Variants in EZH2 observed in about 807,000 individuals in gnomAD.
EZH2 encodes the protein histone-lysine N-methyltransferase EZH2.
A neutral mutation model predicts 98.4 loss-of-function variants in EZH2; 18 were observed. The ratio of observed to expected loss-of-function variants is 0.18; its 90% CI spans 0.13 to 0.27. EZH2 has a LOEUF of 0.27. Ranked by LOEUF, EZH2 falls within the 10% of genes least tolerant of loss-of-function variation. The pLI is 1.00. For missense variants in EZH2, 470 were observed against 935.1 expected, an observed-to-expected ratio of 0.50 and a Z score of 6.49; for synonymous variants, 338 against 312.3, an observed-to-expected ratio of 1.08 and a Z score of -0.87.
At chr7:148,812,838 A>G (rs1307882437) in intron 15 of EZH2, among the ~76,000 whole-genome samples, 1 of 152,228 alleles carries the variant, frequency 6.6e-6, no homozygotes, top group Non-Finnish European at 1.5e-5. Context: ...CAGAAAAGAA[A>G]AAAGTCAAAG....
At chr7:148,856,011 T>C (rs1816784829) in intron 1 of EZH2, among the ~76,000 whole-genome samples, 1 of 151,964 alleles carries the variant, frequency 6.6e-6, no homozygotes, top group Non-Finnish European at 1.5e-5. Flanking sequence ...ATATAAAGAC[T>C]TTTTTTAAAT....
At chr7:148,846,623 G>T in intron 2 of EZH2, 25 bp from the exon 3 acceptor site, 1 of 1,600,606 alleles carries the variant, frequency 6.2e-7, no homozygotes, top group Non-Finnish European at 8.5e-7. Context: ...TGAAGGAGAG[G>T]AAAGGAGAAA....
intron 3 of EZH2, among the ~76,000 whole-genome samples, chr7:148,833,123 T>C (rs1310405354): frequency 1.3e-5 from 2 of 152,316 alleles, no homozygotes; most frequent in Middle Eastern, 3.4e-3. Context: ...AGAATAGTAA[T>C]ATGTATACCA....
intron 1 of EZH2, among the ~76,000 whole-genome samples, chr7:148,848,550 A>G (rs946297732): frequency 1.3e-5 from 2 of 152,232 alleles, no homozygotes; most frequent in African/African-American, 2.4e-5. Context: ...CCTGAGGCCA[A>G]TGGGTAACTT....
chr7:148,839,312 T>G (rs1185614760), intron 3 of EZH2, among the ~76,000 whole-genome samples: 1 of 151,922 alleles, frequency 6.6e-6, no homozygotes, highest in African/African-American at 2.4e-5. Context: ...AAGAACAAAA[T>G]TAAAAACCAA....
chr7:148,859,505 A>AAAGAAC (rs1554419132), intron 1 of EZH2, among the ~76,000 whole-genome samples: 3 of 150,288 alleles, frequency 2.0e-5, no homozygotes, highest in Non-Finnish European at 3.0e-5. Flanking sequence ...TCTGTCTCAA[A>AAAGAAC]AACAACAACA....
At chr7:148,808,239 A>C (rs576073866) in intron 19 of EZH2, among the ~76,000 whole-genome samples, 1 of 152,146 alleles carries the variant, frequency 6.6e-6, no homozygotes, top group East Asian at 1.9e-4. Context: ...TCCACCCCAC[A>C]CTCTTCATTC....
At chr7:148,811,034 C>G (rs996147538) in intron 16 of EZH2, among the ~76,000 whole-genome samples, 5 of 151,942 alleles carry the variant, frequency 3.3e-5, no homozygotes, top group Admixed American at 3.3e-4. Context: ...TCCTTATCAA[C>G]TAGGTTGTGG....
At chr7:148,866,194 T>C (rs1204788791) in intron 1 of EZH2, among the ~76,000 whole-genome samples, 3 of 152,162 alleles carry the variant, frequency 2.0e-5, no homozygotes, top group Non-Finnish European at 4.4e-5. Flanking sequence ...TTTCAAACCC[T>C]TCAAGTACTA....
At chr7:148,832,507 C>T (rs1459549272) in intron 4 of EZH2, 127 bp downstream of exon 4, 2 of 580,848 alleles carry the variant, frequency 3.4e-6, no homozygotes, top group African/African-American at 3.7e-5. Flanking sequence ...AAAATTACTT[C>T]AAGTGTTATT....
At chr7:148,811,254 C>T (rs544330197) in intron 16 of EZH2, among the ~76,000 whole-genome samples, 5 of 152,270 alleles carry the variant, frequency 3.3e-5, no homozygotes, top group African/African-American at 9.6e-5. Flanking sequence ...CAGGCTCAAG[C>T]GATCTTCCTG....
chr7:148,863,587 C>T (rs78472749), intron 1 of EZH2, among the ~76,000 whole-genome samples: 7,351 of 152,266 alleles, frequency 0.048, 270 homozygotes, highest in Middle Eastern at 0.075. Flanking sequence ...TAAATACTCA[C>T]ACCTCACCCT....
At chr7:148,839,993 C>T (rs562444800) in intron 3 of EZH2, among the ~76,000 whole-genome samples, 4 of 152,276 alleles carry the variant, frequency 2.6e-5, no homozygotes, top group South Asian at 2.1e-4. Context: ...AATTAAGACA[C>T]GGTATAACCA....
chr7:148,883,895 C>G (rs1251814901), intron 1 of EZH2, among the ~76,000 whole-genome samples: 1 of 151,826 alleles, frequency 6.6e-6, no homozygotes. Flanking sequence ...GCCCCCCACA[C>G]GCCCCCCGCC....
intron 3 of EZH2, among the ~76,000 whole-genome samples, chr7:148,835,457 T>C (rs368998558): frequency 6.6e-6 from 1 of 150,560 alleles, no homozygotes; most frequent in African/African-American, 2.4e-5. Context: ...AGAGACATAA[T>C]GTAATAGGAG....
intron 1 of EZH2, among the ~76,000 whole-genome samples, chr7:148,871,112 T>C (rs1237952600): frequency 3.3e-5 from 5 of 152,070 alleles, no homozygotes; most frequent in Non-Finnish European, 4.4e-5. Flanking sequence ...ATACTCAACA[T>C]TGTTAATGCA....
chr7:148,850,193 T>C (rs1024402805), intron 1 of EZH2, among the ~76,000 whole-genome samples: 1 of 152,096 alleles, frequency 6.6e-6, no homozygotes, highest in African/African-American at 2.4e-5. Flanking sequence ...TAATTTTTTG[T>C]ATTTTTAGTA....
intron 1 of EZH2, among the ~76,000 whole-genome samples, chr7:148,866,513 T>C (rs1444219201): frequency 2.0e-5 from 2 of 100,736 alleles, no homozygotes; most frequent in South Asian, 6.4e-4. Context: ...TATATACATA[T>C]ATATGTGTAT....
At chr7:148,866,358 T>TA (rs1818441689) in intron 1 of EZH2, among the ~76,000 whole-genome samples, 1 of 151,800 alleles carries the variant, frequency 6.6e-6, no homozygotes, top group South Asian at 2.1e-4. Context: ...AATGCCCTTA[T>TA]ACAAGAGTCT....
Sources: gnomAD v4.1 joint callset for allele counts (sites outside exome capture counted in the v4.1 genomes callset) on GRCh38, gnomAD v4.1.1 for gene constraint, MANE v1.5 for transcripts, NCBI Gene and HGNC (gene_info 2026-07-23, HGNC 2026-07-21) for gene names.